The following MCF2 variants were observed in gnomAD, a reference collection of about 807,000 sequenced individuals.
The protein encoded by MCF2 is proto-oncogene DBL.
A neutral mutation model predicts 82.5 loss-of-function variants in MCF2; 44 were observed. That is an observed-to-expected ratio of 0.53 (90% CI 0.42 to 0.69). The LOEUF (loss-of-function observed/expected upper bound fraction) is 0.69. MCF2 is among the 30% of genes least tolerant of loss of function. The pLI is 0.00. For synonymous variants in MCF2, 217 were observed against 224.9 expected, an observed-to-expected ratio of 0.96 and a Z score of 0.32; for missense variants, 623 against 663.1, an observed-to-expected ratio of 0.94 and a Z score of 0.66.
chrX:139,693,411 T>C (rs1349420416), intron 1 of MCF2, among the ~76,000 whole-genome samples: 2 of 109,910 alleles, frequency 1.8e-5, no homozygotes, highest in African/African-American at 6.7e-5. Flanking sequence ...AGATCTCTTA[T>C]GAGGAATCGC....
upstream of MCF2, among the ~76,000 whole-genome samples, chrX:139,646,309 A>G (rs1284067973): frequency 9.0e-6 from 1 of 111,511 alleles, no homozygotes; most frequent in Non-Finnish European, 1.9e-5. Context: ...TAAAATCTCT[A>G]AGAAACCTTT....
At chrX:139,690,181 G>A (rs948758516) in intron 1 of MCF2, among the ~76,000 whole-genome samples, 38 of 106,358 alleles carry the variant, frequency 3.6e-4, no homozygotes, top group African/African-American at 1.3e-3. Context: ...ACAGGAATGG[G>A]GGCCTGTCAA....
At chrX:139,590,517 T>C (rs1929415462) in intron 19 of MCF2, among the ~76,000 whole-genome samples, 2 of 97,571 alleles carry the variant, frequency 2.0e-5, no homozygotes, top group Non-Finnish European at 4.1e-5. Flanking sequence ...GTTGTCTTTT[T>C]GTACCCAGTG....
intron 12 of MCF2, among the ~76,000 whole-genome samples, chrX:139,606,502 C>T (rs899723174): frequency 2.7e-5 from 3 of 110,458 alleles, no homozygotes; most frequent in African/African-American, 9.9e-5. Context: ...GGATTATAGG[C>T]GCTCACCACC....
chrX:139,670,449 C>T (rs1228462370), intron 1 of MCF2, among the ~76,000 whole-genome samples: 2 of 111,032 alleles, frequency 1.8e-5, no homozygotes, highest in Non-Finnish European at 3.8e-5. Flanking sequence ...TCTCCTAATG[C>T]TATCCCTCCC....
intron 6 of MCF2, 97 bp from the exon 10 acceptor site, chrX:139,619,803 G>C: frequency 1.7e-6 from 1 of 603,447 alleles, no homozygotes; most frequent in South Asian, 4.9e-5. Context: ...TATTGACATG[G>C]AGAAATTACA....
chrX:139,695,725 T>C (rs1935368374), intron 1 of MCF2, among the ~76,000 whole-genome samples: 1 of 112,230 alleles, frequency 8.9e-6, no homozygotes, highest in Non-Finnish European at 1.9e-5. Context: ...ATCCTACCTT[T>C]CTCAAGCTGA....
chrX:139,691,842 G>T, intron 1 of MCF2: 1 of 873,790 alleles, frequency 1.1e-6, no homozygotes, highest in Non-Finnish European at 1.6e-6. Flanking sequence ...GGCCGGGCTG[G>T]GGAGGCAGCG....
rs771312684 is a variant in MCF2, at chrX:139,629,645, CTAGA to C, written c.438+46_438+49del. Reference sequence around the variant, plus strand: ...TAAAATGGAGATAATAAACACCTCTCTAGATAAAGACCATGGAAATCTTTTGTTT... The same window carrying C: ...TAAAATGGAGATAATAAACACCTCTCTAAAGACCATGGAAATCTTTTGTTT... On this transcript the variant is annotated intron_variant, in intron 4 of 24. Transcript: ENST00000370576. 32 of 1,136,961 alleles carry C rather than the reference CTAGA, an allele frequency of 2.8e-5. No homozygotes were observed. The African/African-American group carries it at 5.8e-4, about 21-fold the overall frequency. The allele number at this position is 1,136,961 out of a possible 1,213,427, so 93.7% of individuals were successfully genotyped here.
chrX:139,703,437 A>G (rs975529106), intron 1 of MCF2, among the ~76,000 whole-genome samples: 1 of 111,919 alleles, frequency 8.9e-6, no homozygotes, highest in African/African-American at 3.3e-5. Flanking sequence ...AAAAGAACAG[A>G]GAAAATAGGA....
intron 1 of MCF2, chrX:139,691,910 C>A (rs1302185222): frequency 1.7e-6 from 2 of 1,164,325 alleles, no homozygotes; most frequent in Admixed American, 5.2e-5. Context: ...GAGGAGGGGA[C>A]TTACCTGCCA....
chrX:139,689,652 C>CTTTTTTTTTTTTTTTT (rs1569402929), intron 1 of MCF2, among the ~76,000 whole-genome samples: 28 of 108,552 alleles, frequency 2.6e-4, no homozygotes, highest in African/African-American at 8.4e-4. Context: ...CTTTGCATAT[C>CTTTTTTTTTTTTTTTT]TTATTTCCTT....
chrX:139,622,083 A>G (rs1335857382), intron 6 of MCF2, among the ~76,000 whole-genome samples: 1 of 112,083 alleles, frequency 8.9e-6, no homozygotes, highest in Non-Finnish European at 1.9e-5. Context: ...ATGAACAGAC[A>G]CTTCTCAAAA....
At chrX:139,606,358 GT>G (rs1569353400) in intron 12 of MCF2, among the ~76,000 whole-genome samples, 2 of 109,692 alleles carry the variant, frequency 1.8e-5, no homozygotes, top group African/African-American at 3.3e-5. Flanking sequence ...TTTCCGTAAT[GT>G]ATATAAATAT....
At chrX:139,684,291 A>T (rs1345577470) in intron 1 of MCF2, among the ~76,000 whole-genome samples, 2 of 112,470 alleles carry the variant, frequency 1.8e-5, no homozygotes, top group African/African-American at 6.4e-5. Flanking sequence ...ACTATTTCAC[A>T]CCCACTAGGA....
At chrX:139,661,914 C>A (rs1027010612) in intron 1 of MCF2, among the ~76,000 whole-genome samples, 11 of 111,933 alleles carry the variant, frequency 9.8e-5, no homozygotes, top group Non-Finnish European at 1.7e-4. Context: ...TGTGAGTCCA[C>A]CTCATAAACC....
At chrX:139,646,957 C>G (rs1933823263), upstream of MCF2, 1 of 689,706 alleles carries the variant, frequency 1.4e-6, no homozygotes, top group Admixed American at 3.9e-5. Context: ...AACAACGAAG[C>G]AAGAAGAGGA....
chrX:139,662,305 G>C (rs1934377498), intron 1 of MCF2, among the ~76,000 whole-genome samples: 1 of 111,302 alleles, frequency 9.0e-6, no homozygotes, highest in Non-Finnish European at 1.9e-5. Context: ...AGATTGAAAA[G>C]AACCCCTATA....
exon 1 of MCF2, chrX:139,642,533 A>G: frequency 8.3e-7 from 1 of 1,211,167 alleles, no homozygotes; most frequent in Non-Finnish European, 1.1e-6. Flanking sequence ...CCTGTACGCA[A>G]TTACACTTTT....
Sources: gnomAD v4.1 joint callset for allele counts (sites outside exome capture counted in the v4.1 genomes callset) on GRCh38, gnomAD v4.1.1 for gene constraint, MANE v1.5 for transcripts, NCBI Gene and HGNC (gene_info 2026-07-23, HGNC 2026-07-21) for gene names.